TMEM182: variants seen among roughly 807,000 people sequenced by gnomAD.
The protein encoded by TMEM182 is transmembrane protein 182.
Under a neutral mutation model 26.8 loss-of-function variants are expected in TMEM182, and 20 were observed. The observed-to-expected ratio is 0.75, with a 90% CI of 0.53 to 1.09. The LOEUF (loss-of-function observed/expected upper bound fraction) is 1.09, where lower values mean the gene tolerates loss of function less well. Among genes scored for constraint, TMEM182 ranks in the 50% least tolerant of loss-of-function variants. TMEM182 has a pLI of 0.00. For missense variants in TMEM182, 277 were observed against 275.5 expected (o/e 1.01, Z -0.04); for synonymous variants, 109 against 102.2 (o/e 1.07, Z -0.40).
chr2:102,793,008 G>T (rs966130095), intron 3 of TMEM182, among the ~76,000 whole-genome samples: 1 of 150,578 alleles, frequency 6.6e-6, no homozygotes, highest in Non-Finnish European at 1.5e-5. Flanking sequence ...CTGCCTTGAC[G>T]CTCCTGCTGC....
intron 4 of TMEM182, among the ~76,000 whole-genome samples, chr2:102,807,328 G>C (rs1028136813): frequency 2.6e-5 from 4 of 152,178 alleles, no homozygotes; most frequent in African/African-American, 4.8e-5. Flanking sequence ...AAGAATTAAG[G>C]CTGTGTCAGA....
At chr2:102,838,323 A>C (rs1276646373) in intron 3 of TMEM182, among the ~76,000 whole-genome samples, 2 of 152,186 alleles carry the variant, frequency 1.3e-5, no homozygotes, top group Non-Finnish European at 2.9e-5. Context: ...AGATGGCTAC[A>C]TATTGTTCCT....
intron 3 of TMEM182, among the ~76,000 whole-genome samples, chr2:102,765,260 G>C (rs2104662562): frequency 6.6e-6 from 1 of 152,234 alleles, no homozygotes; most frequent in East Asian, 1.9e-4. Context: ...CAATTGGCAG[G>C]CTGGAGATTC....
At chr2:102,799,882 T>C (rs1192819568) in intron 4 of TMEM182, among the ~76,000 whole-genome samples, 1 of 152,118 alleles carries the variant, frequency 6.6e-6, no homozygotes, top group Non-Finnish European at 1.5e-5. Flanking sequence ...TTGTGGTTTC[T>C]AAGGCCAGCC....
chr2:102,776,023 T>A (rs928830240), intron 3 of TMEM182, among the ~76,000 whole-genome samples: 12 of 152,106 alleles, frequency 7.9e-5, no homozygotes, highest in African/African-American at 2.7e-4. Flanking sequence ...TTCAGTTTTT[T>A]AAAAAAAGAA....
At chr2:102,777,891 T>A (rs1680990702) in intron 3 of TMEM182, among the ~76,000 whole-genome samples, 1 of 151,956 alleles carries the variant, frequency 6.6e-6, no homozygotes, top group Non-Finnish European at 1.5e-5. Flanking sequence ...TAATTTCAAT[T>A]CTTTTAAAAT....
chr2:102,801,315 G>A (rs571958888), intron 4 of TMEM182, among the ~76,000 whole-genome samples: 2 of 152,148 alleles, frequency 1.3e-5, no homozygotes, highest in African/African-American at 4.8e-5. Context: ...CAGACCCAGT[G>A]GATTAACATC....
chr2:102,744,072 C>T (rs1405185578), intron 1 of TMEM182, among the ~76,000 whole-genome samples: 1 of 152,162 alleles, frequency 6.6e-6, no homozygotes, highest in African/African-American at 2.4e-5. Context: ...GTTTAATTGA[C>T]ATTTGTGAAA....
intron 3 of TMEM182, among the ~76,000 whole-genome samples, chr2:102,838,506 A>G (rs987290198): frequency 6.6e-6 from 1 of 152,150 alleles, no homozygotes; most frequent in East Asian, 1.9e-4. Context: ...TCCAGGATGG[A>G]AGGACCTAGG....
At position 102,816,600 on chromosome 2, in the gene TMEM182, A is replaced by G. The variant is rs1002896148; in HGVS notation, c.*1632A>G. 27 of 984,842 alleles carry G rather than the reference A, an allele frequency of 2.7e-5. No individual in the cohort carries two copies. The Admixed American group carries it at 4.9e-4, about 18-fold the overall frequency. The allele number at this position is 984,842 out of a possible 1,614,324, so 61.0% of individuals were successfully genotyped here. On this transcript the variant is annotated 3_prime_UTR_variant, in exon 5 of 5. Transcript: ENST00000412401. ...AAGTCATTTCAGTGATATCATTGAA[A>G]CGTTTTTGTGGTACTTCCCTTTGTC...
At chr2:102,736,940 C>T (rs1032503458) in exon 1 of TMEM182, 3 of 1,205,728 alleles carry the variant, frequency 2.5e-6, no homozygotes, top group South Asian at 1.6e-5. Flanking sequence ...CTGGCAGCTC[C>T]GCGGGTGCGT....
intron 3 of TMEM182, among the ~76,000 whole-genome samples, chr2:102,770,076 A>G (rs1170769375): frequency 6.6e-6 from 1 of 152,228 alleles, no homozygotes; most frequent in Non-Finnish European, 1.5e-5. Context: ...AAGGAAAACA[A>G]TCATAGGAAA....
chr2:102,797,812 CA>C (rs1175130396), intron 3 of TMEM182, 50 bp from the exon 4 acceptor site: 1 of 1,580,358 alleles, frequency 6.3e-7, no homozygotes, highest in East Asian at 2.2e-5. Context: ...GCTGTGTACA[CA>C]ATCTAAGTGT....
At chr2:102,754,075 A>G (rs1679963689) in intron 1 of TMEM182, among the ~76,000 whole-genome samples, 1 of 152,220 alleles carries the variant, frequency 6.6e-6, no homozygotes, top group Non-Finnish European at 1.5e-5. Context: ...TCACAGAGAC[A>G]TGCGGCTCAT....
intron 3 of TMEM182, among the ~76,000 whole-genome samples, chr2:102,792,411 T>C (rs1174542603): frequency 9.9e-5 from 15 of 152,186 alleles, no homozygotes; most frequent in African/African-American, 3.6e-4. Context: ...GTCACACAAT[T>C]AATAAGCAGA....
chr2:102,751,336 A>G (rs899778281), intron 1 of TMEM182, among the ~76,000 whole-genome samples: 1 of 151,842 alleles, frequency 6.6e-6, no homozygotes, highest in African/African-American at 2.4e-5. Context: ...GAAGCTGGCC[A>G]CCCCACCCTT....
At chr2:102,818,671 G>A (rs1328451824), downstream of TMEM182, among the ~76,000 whole-genome samples, 2 of 152,098 alleles carry the variant, frequency 1.3e-5, no homozygotes, top group African/African-American at 4.8e-5. Context: ...GGGGCAATTG[G>A]ACGGTTGAAC....
chr2:102,767,227 G>A (rs1680489347), intron 3 of TMEM182, among the ~76,000 whole-genome samples: 1 of 152,136 alleles, frequency 6.6e-6, no homozygotes, highest in African/African-American at 2.4e-5. Context: ...GTCTAATTCA[G>A]TGTTTTCTTT....
Position 102,814,590 on chromosome 2 carries a change from A to G in TMEM182, c.470-158A>G, listed in dbSNP as rs188466782. On this transcript the variant is annotated intron_variant, in intron 4 of 4. Transcript: ENST00000412401. ...TTTGAAGATGAAAGATAAAAGAAAT[A>G]TCTATAAAGTACATAATAAAAGGTC... Among the ~76,000 whole-genome samples the G allele has an allele frequency of 2.3e-3, 356 of 152,302 alleles. 2 individuals carry two copies. Among genetic ancestry groups the G allele is most frequent in the Admixed American group, 6.7e-3 (102 of 15,292 alleles).
Sources: gnomAD v4.1 joint callset for allele counts (sites outside exome capture counted in the v4.1 genomes callset) on GRCh38, gnomAD v4.1.1 for gene constraint, MANE v1.5 for transcripts, NCBI Gene and HGNC (gene_info 2026-07-23, HGNC 2026-07-21) for gene names.